Variants in MTM1 observed in about 807,000 individuals in gnomAD.
The protein encoded by MTM1 is myotubularin 1, also known as myotubularin.
In MTM1, 9 loss-of-function variants were observed where a neutral mutation model predicts 52.1. That is an observed-to-expected ratio of 0.17 (90% CI 0.10 to 0.30). MTM1 has a LOEUF of 0.30. Ranked by LOEUF, MTM1 falls within the 10% of genes least tolerant of loss-of-function variation. The probability of loss-of-function intolerance (pLI) is 1.00; values close to 1 mark genes in which losing one functional copy is unlikely to be tolerated. For missense variants in MTM1, 277 were observed against 470.7 expected (o/e 0.59, Z 3.81); for synonymous variants, 136 against 163.8 (o/e 0.83, Z 1.29).
At chrX:150,610,028 A>T (rs1557412938) in intron 4 of MTM1, among the ~76,000 whole-genome samples, 1 of 111,781 alleles carries the variant, frequency 8.9e-6, no homozygotes, top group Non-Finnish European at 1.9e-5. Flanking sequence ...ATATTTTTTT[A>T]AAATAAACTC....
chrX:150,571,473 A>T (rs1218620339), intron 1 of MTM1, among the ~76,000 whole-genome samples: 5 of 112,043 alleles, frequency 4.5e-5, no homozygotes, highest in Non-Finnish European at 9.4e-5. Flanking sequence ...AATGAGAATA[A>T]TAATAGTACC....
At chrX:150,626,135 A>G (rs2039564801) in intron 6 of MTM1, among the ~76,000 whole-genome samples, 2 of 112,311 alleles carry the variant, frequency 1.8e-5, no homozygotes, top group African/African-American at 6.5e-5. Context: ...CGTGTGGCTT[A>G]AACACTACCA....
chrX:150,603,994 G>T (rs1419149227), intron 4 of MTM1, among the ~76,000 whole-genome samples: 1 of 111,870 alleles, frequency 8.9e-6, no homozygotes, highest in Non-Finnish European at 1.9e-5. Context: ...TCTCAAGAAG[G>T]AAGGGAGCAG....
At chrX:150,628,064 C>T (rs182979339) in intron 6 of MTM1, among the ~76,000 whole-genome samples, 84 of 111,317 alleles carry the variant, frequency 7.5e-4, no homozygotes, top group African/African-American at 2.7e-3. Context: ...ATGCATCCTT[C>T]CCCTGAGTGT....
At chrX:150,665,958 G>A (rs1443895148) in intron 14 of MTM1, among the ~76,000 whole-genome samples, 1 of 112,203 alleles carries the variant, frequency 8.9e-6, no homozygotes, top group African/African-American at 3.2e-5. Flanking sequence ...GGGTTACACT[G>A]GATGTACTGA....
At chrX:150,572,932 A>G (rs1271344420) in intron 1 of MTM1, among the ~76,000 whole-genome samples, 2 of 112,758 alleles carry the variant, frequency 1.8e-5, no homozygotes, top group African/African-American at 6.4e-5. Context: ...ATGTACTTGT[A>G]TTAGTTTAGT....
intron 5 of MTM1, 91 bp downstream of exon 5, chrX:150,614,790 T>C: frequency 1.9e-6 from 1 of 515,042 alleles, no homozygotes; most frequent in Admixed American, 3.1e-5. Context: ...AAAAAAAAAA[T>C]CAAAATCTCA....
intron 4 of MTM1, among the ~76,000 whole-genome samples, chrX:150,611,993 C>T (rs1013935914): frequency 3.6e-4 from 40 of 111,731 alleles, no homozygotes; most frequent in Admixed American, 1.0e-3. Context: ...CTCAGAAGTT[C>T]GAGACCAGCC....
chrX:150,624,694 T>C (rs55714664), intron 6 of MTM1, among the ~76,000 whole-genome samples: 13,826 of 111,327 alleles, frequency 0.12, 794 homozygotes, highest in African/African-American at 0.23. Context: ...CATAACATAA[T>C]ATGGATAAGT....
At position 150,671,228 on chromosome X, in the gene MTM1, TA is replaced by T. The variant is rs782138726; in HGVS notation, c.1645-199del. Among the ~76,000 whole-genome samples the T allele has an allele frequency of 7.2e-5, 8 of 111,843 alleles. No homozygotes were observed. In the South Asian group the frequency reaches 3.0e-3, roughly 42 times the overall value. ...AGGTATTTCTTGGTGAACAAATACT[TA>T]GTACTTGGGTGTTTAGTACTCTGTG... is the stretch of plus-strand genomic sequence containing the variant. On this transcript the variant is annotated intron_variant, in intron 14 of 14. Coordinates refer to ENST00000370396, the MANE Select transcript of MTM1 (RefSeq NM_000252.3).
chrX:150,656,299 GT>G (rs1313676986), intron 10 of MTM1, among the ~76,000 whole-genome samples: 1 of 110,346 alleles, frequency 9.1e-6, no homozygotes, highest in Non-Finnish European at 1.9e-5. Context: ...CTCTTACTTT[GT>G]TATGACTAGT....
chrX:150,608,201 T>G (rs1164835916), intron 4 of MTM1, among the ~76,000 whole-genome samples: 1 of 110,254 alleles, frequency 9.1e-6, no homozygotes, highest in Admixed American at 9.6e-5. Flanking sequence ...GGATTTGGGG[T>G]TTTTATTTTT....
intron 1 of MTM1, among the ~76,000 whole-genome samples, chrX:150,583,385 TATA>T (rs1403961155): frequency 8.7e-5 from 1 of 11,518 alleles, no homozygotes; most frequent in East Asian, 1.8e-3. Flanking sequence ...TTATATATAA[TATA>T]ATATATATAA....
intron 4 of MTM1, among the ~76,000 whole-genome samples, chrX:150,600,287 T>C (rs899268650): frequency 3.6e-5 from 4 of 112,096 alleles, no homozygotes; most frequent in South Asian, 3.7e-4. Context: ...TGGTAGGATA[T>C]TGGAGCAAAA....
intron 1 of MTM1, among the ~76,000 whole-genome samples, chrX:150,577,790 A>C (rs2038498862): frequency 8.9e-6 from 1 of 112,550 alleles, no homozygotes; most frequent in Non-Finnish European, 1.9e-5. Context: ...AGTCCTATTT[A>C]CTTTTTCCCC....
At chrX:150,591,040 A>G (rs2038876091) in intron 1 of MTM1, 1 of 746,887 alleles carries the variant, frequency 1.3e-6, no homozygotes, top group African/African-American at 2.3e-5. Context: ...CATGAACTTA[A>G]GGTTAGAAAG....
At position 150,590,997 on chromosome X, in the gene MTM1, T is replaced by C. The variant is rs1318446544; in HGVS notation, c.-10-1608T>C. 4 of 739,970 alleles carry C rather than the reference T, an allele frequency of 5.4e-6. No individual in the cohort carries two copies. In the African/African-American group the frequency reaches 7.0e-5, roughly 13 times the overall value. The allele number at this position is 739,970 out of a possible 1,213,427, so 61.0% of individuals were successfully genotyped here. ...CCATAGTTCATCTCATCCATTCTGC[T>C]ATCTCTGAGAATAATGGGTTATTTT... On this transcript the variant is annotated intron_variant, in intron 1 of 14. Coordinates refer to ENST00000370396, the MANE Select transcript of MTM1 (RefSeq NM_000252.3).
intron 10 of MTM1, among the ~76,000 whole-genome samples, chrX:150,650,715 A>G (rs2040005431): frequency 9.0e-6 from 1 of 110,866 alleles, no homozygotes; most frequent in Admixed American, 9.6e-5. Flanking sequence ...TACTACCCCT[A>G]TCTTTGCACT....
intron 10 of MTM1, among the ~76,000 whole-genome samples, chrX:150,654,151 T>C (rs1376217413): frequency 8.9e-6 from 1 of 112,466 alleles, no homozygotes; most frequent in Non-Finnish European, 1.9e-5. Context: ...TTTAAAACTC[T>C]GGTATAGTTT....
Sources: allele counts gnomAD v4.1 joint callset (sites outside exome capture counted in the v4.1 genomes callset), GRCh38; gene constraint gnomAD v4.1.1; transcripts MANE v1.5; gene names NCBI Gene and HGNC (gene_info 2026-07-23, HGNC 2026-07-21).